The following NDST3 variants were observed in gnomAD, a reference collection of about 807,000 sequenced individuals.
The protein encoded by NDST3 is bifunctional heparan sulfate N-deacetylase/N-sulfotransferase 3.
NDST3 carries 58 observed loss-of-function variants against 96.1 expected under a neutral mutation model. The ratio of observed to expected loss-of-function variants is 0.60; its 90% confidence interval spans 0.49 to 0.75. The LOEUF is 0.75. NDST3 is among the 30% of genes least tolerant of loss of function. NDST3 has a pLI of 0.00. For synonymous variants in NDST3, 333 were observed against 359.7 expected, an observed-to-expected ratio of 0.93 and a Z score of 0.84; for missense variants, 788 against 1,034.2, an observed-to-expected ratio of 0.76 and a Z score of 3.27.
intron 5 of NDST3, among the ~76,000 whole-genome samples, chr4:118,142,553 A>G (rs983074109): frequency 6.6e-6 from 1 of 152,132 alleles, no homozygotes; most frequent in Admixed American, 6.6e-5. Flanking sequence ...CATTTACTGA[A>G]CCAAATGTGC....
At chr4:118,079,540 C>T (rs1727845749) in intron 2 of NDST3, among the ~76,000 whole-genome samples, 1 of 152,102 alleles carries the variant, frequency 6.6e-6, no homozygotes, top group African/African-American at 2.4e-5. Context: ...GTGCGTGGAG[C>T]ACAGTGAATG....
intron 6 of NDST3, among the ~76,000 whole-genome samples, chr4:118,147,627 A>C (rs962659716): frequency 1.3e-5 from 2 of 152,222 alleles, no homozygotes; most frequent in Non-Finnish European, 2.9e-5. Flanking sequence ...GTATATACTT[A>C]GACAAAAGGA....
chr4:118,102,267 CCA>C lies in NDST3; in HGVS notation c.982-2749_982-2748del, dbSNP rs1729825429. Among the ~76,000 whole-genome samples the C allele has an allele frequency of 4.6e-5, 7 of 151,986 alleles. No individual in the cohort carries two copies. The South Asian group carries it at 1.5e-3, about 31-fold the overall frequency. The stretch of plus-strand genomic sequence containing the variant: ...AAAGTCCCATTTTTCAATAATCAAG[CCA>C]CTTTTGAAGGTAGACATCTATGTTC... On this transcript the variant is annotated intron_variant, in intron 2 of 13. Coordinates refer to ENST00000296499, the MANE Select transcript of NDST3 (RefSeq NM_004784.3).
chr4:118,123,091 T>C (rs572518485), intron 4 of NDST3, among the ~76,000 whole-genome samples: 2 of 152,316 alleles, frequency 1.3e-5, no homozygotes, highest in South Asian at 2.1e-4. Context: ...AAATTCAGAA[T>C]ACAATCTGAC....
chr4:118,092,863 G>A (rs368670845), intron 2 of NDST3, among the ~76,000 whole-genome samples: 12 of 151,880 alleles, frequency 7.9e-5, no homozygotes, highest in Admixed American at 4.6e-4. Flanking sequence ...ATAATGCAGG[G>A]CAAAGGAAAT....
intron 1 of NDST3, among the ~76,000 whole-genome samples, chr4:118,053,329 A>C (rs1725194452): frequency 6.6e-6 from 1 of 151,986 alleles, no homozygotes; most frequent in African/African-American, 2.4e-5. Context: ...AGAAAAGAAA[A>C]ACACATGTTT....
intron 10 of NDST3, 136 bp downstream of exon 10, chr4:118,237,356 C>A: frequency 4.7e-6 from 3 of 641,432 alleles, no homozygotes; most frequent in Non-Finnish European, 6.8e-6. Flanking sequence ...GAAAAATGGA[C>A]AAGTTTTTCT....
intron 6 of NDST3, among the ~76,000 whole-genome samples, chr4:118,176,772 A>C (rs924414811): frequency 4.6e-5 from 7 of 152,118 alleles, no homozygotes; most frequent in African/African-American, 1.7e-4. Context: ...CTCTTAAAGA[A>C]TTTACATTTT....
At chr4:118,251,578 C>T (rs975182607) in intron 12 of NDST3, among the ~76,000 whole-genome samples, 7 of 152,078 alleles carry the variant, frequency 4.6e-5, no homozygotes, top group Non-Finnish European at 8.8e-5. Flanking sequence ...CCTTGGCAGC[C>T]ATTTTTTGAA....
chr4:118,127,544 G>C (rs536955764), intron 4 of NDST3, among the ~76,000 whole-genome samples: 73 of 151,966 alleles, frequency 4.8e-4, no homozygotes, highest in Non-Finnish European at 7.7e-4. Flanking sequence ...CTATTCCATT[G>C]GTCTATGTAT....
intron 6 of NDST3, among the ~76,000 whole-genome samples, chr4:118,168,990 A>C (rs1735741148): frequency 6.6e-6 from 1 of 152,150 alleles, no homozygotes; most frequent in African/African-American, 2.4e-5. Flanking sequence ...AATGGATATA[A>C]ATTTTCAATT....
chr4:118,184,309 G>T (rs777363899), intron 6 of NDST3, among the ~76,000 whole-genome samples: 2 of 152,070 alleles, frequency 1.3e-5, no homozygotes, highest in African/African-American at 2.4e-5. Flanking sequence ...TTCTTTAGAT[G>T]AGATAACATT....
At chr4:118,120,726 G>A (rs1215903706) in intron 4 of NDST3, among the ~76,000 whole-genome samples, 1 of 152,154 alleles carries the variant, frequency 6.6e-6, no homozygotes, top group Non-Finnish European at 1.5e-5. Context: ...TCCCGGTTAT[G>A]TATCTTGAAG....
At chr4:118,171,255 A>C (rs576250918) in intron 6 of NDST3, among the ~76,000 whole-genome samples, 2 of 152,292 alleles carry the variant, frequency 1.3e-5, no homozygotes, top group South Asian at 2.1e-4. Flanking sequence ...CACTACCCCC[A>C]AAAAGGCCTA....
At chr4:118,151,892 T>C (rs1233437754) in intron 6 of NDST3, among the ~76,000 whole-genome samples, 1 of 152,180 alleles carries the variant, frequency 6.6e-6, no homozygotes, top group Non-Finnish European at 1.5e-5. Flanking sequence ...CTCCTGCGTT[T>C]CTATAGCATC....
chr4:118,086,162 C>A (rs1728401261), intron 2 of NDST3, among the ~76,000 whole-genome samples: 1 of 152,088 alleles, frequency 6.6e-6, no homozygotes, highest in Non-Finnish European at 1.5e-5. Flanking sequence ...ATCTTCTGTC[C>A]CTTTCACGCA....
chr4:118,122,400 A>C (rs1256226833), intron 4 of NDST3, among the ~76,000 whole-genome samples: 1 of 152,162 alleles, frequency 6.6e-6, no homozygotes, highest in African/African-American at 2.4e-5. Context: ...AGTAAGAGTC[A>C]ATTTCACATG....
chr4:118,225,814 T>C (rs1036144837), intron 7 of NDST3, among the ~76,000 whole-genome samples: 8 of 152,190 alleles, frequency 5.3e-5, no homozygotes, highest in African/African-American at 1.9e-4. Flanking sequence ...AAGTTGGTGG[T>C]TGTGGACTTA....
chr4:118,127,861 A>G (rs549431875), intron 4 of NDST3, among the ~76,000 whole-genome samples: 7 of 151,900 alleles, frequency 4.6e-5, no homozygotes, highest in African/African-American at 1.7e-4. Flanking sequence ...GTACTCTTTA[A>G]TGTCTTTCAT....
Sources: allele counts gnomAD v4.1 joint callset (sites outside exome capture counted in the v4.1 genomes callset), GRCh38; gene constraint gnomAD v4.1.1; transcripts MANE v1.5; gene names NCBI Gene and HGNC (gene_info 2026-07-23, HGNC 2026-07-21).